The following OR52K2 variants were observed in gnomAD, a reference collection of about 807,000 sequenced individuals.
OR52K2 encodes the protein olfactory receptor family 52 subfamily K member 2.
OR52K2 carries 10 observed loss-of-function variants against 11.4 expected under a neutral mutation model. That is an observed-to-expected ratio of 0.88 (90% confidence interval 0.54 to 1.49). OR52K2 has a LOEUF of 1.49. Ranked by LOEUF, OR52K2 falls within the 40% of genes most tolerant of loss-of-function variation. OR52K2 has a pLI of 0.00. For synonymous variants in OR52K2, 199 were observed against 151.9 expected (o/e 1.31, Z -2.28); for missense variants, 465 against 393.3 (o/e 1.18, Z -1.54).
chr11:4,450,204 G>A lies in OR52K2; in HGVS notation c.865G>A (p.Val289Ile), dbSNP rs765185101. 1.9e-6 allele frequency: 3 copies of A among 1,613,890 alleles called. No homozygotes were observed. In the South Asian group the frequency reaches 3.3e-5, roughly 18 times the overall value. Residue 289 changes from valine (V) to isoleucine (I), a missense_variant, in exon 1 of 1, where the codon GTC becomes ATC. Transcript: ENST00000325719. ...TTTCTATCTGCTCTTCCCACCCATG[G>A]TCAATCCCATAATCTATGGTGTCAA... ...ANFYLLFPPM[V>I]NPIIYGVKTK... is the part of the protein sequence containing the mutation.
Position 4,449,526 on chromosome 11 carries a change from C to T in OR52K2, c.187C>T (p.Leu63Phe), listed in dbSNP as rs1437745244. 6.8e-6 allele frequency: 11 copies of T among 1,614,002 alleles called. No homozygotes were observed. Among genetic ancestry groups the T allele is most frequent in the Non-Finnish European group, 9.3e-6 (11 of 1,179,922 alleles). ...TGCAGCCCTCCATGAACCCATGTACCTCTTTCTGGCCATGTTGGCAGCCAT... is the reference window on the plus strand; with the variant it reads ...TGCAGCCCTCCATGAACCCATGTACTTCTTTCTGGCCATGTTGGCAGCCAT... The part of the protein sequence containing the change: ...ADAALHEPMY[L>F]FLAMLAAIDL... The change falls in exon 1 of 1, where the codon CTC becomes TTC. Residue 63 changes from leucine (L) to phenylalanine (F), a missense_variant. Coordinates refer to ENST00000325719, the MANE Select transcript of OR52K2 (RefSeq NM_001005172.2).
rs953616361 is a variant in OR52K2 at position 4,449,313 on chromosome 11, T to C, written c.-27T>C. 7 of 1,432,696 alleles carry C rather than the reference T, an allele frequency of 4.9e-6. No individual in the cohort carries two copies. In the Admixed American group the frequency reaches 1.2e-4, roughly 24 times the overall value. The allele number at this position is 1,432,696 out of a possible 1,614,324, so 88.7% of individuals were successfully genotyped here. A position where few individuals can be genotyped will look rare whatever the true frequency, so the allele number is the denominator to read the frequency against. On this transcript the variant is annotated 5_prime_UTR_variant, in exon 1 of 1. Transcript: ENST00000325719. ...TCTGGAAGGGCCCTGTGGAAGCAGA[T>C]AAGGAGGAAGAGAATTCCCAGGAGC...
chr11:4,449,957 G>A lies in OR52K2; in HGVS notation c.618G>A (p.Met206Ile). 1 of 1,614,206 alleles carries A rather than the reference G, an allele frequency of 6.2e-7. No homozygotes were observed. Reference protein sequence around the residue: ...FNNIYGIAVAMFIVVLDLLLV... With the variant: ...FNNIYGIAVAIFIVVLDLLLV... ...ATATCTATGGCATCGCTGTGGCCAT[G>A]TTTATTGTGGTGTTGGACCTGCTCC... The change falls in exon 1 of 1, where the codon ATG becomes ATA. Residue 206 changes from methionine (M) to isoleucine (I), a missense_variant. Physicochemically the swap from Met to Ile is conservative, Grantham distance 10 (BLOSUM62 1). Coordinates refer to ENST00000325719, the MANE Select transcript of OR52K2 (RefSeq NM_001005172.2).
rs1181894976 is a variant in OR52K2 at position 4,450,253 on chromosome 11, T to C, written c.914T>C (p.Ile305Thr). ...GVKTKQIRES[I>T]LGVFPRKDM ...AAGACCAAGCAAATCCGTGAGAGCA[T>C]CTTGGGAGTATTCCCAAGAAAGGAT... Residue 305 changes from isoleucine to threonine, a missense_variant, in exon 1 of 1, where the codon ATC becomes ACC. Physicochemically the swap from Ile to Thr is moderately conservative, Grantham distance 89. Transcript: ENST00000325719. The C allele has an allele frequency of 1.9e-6, 3 of 1,613,440 alleles. No individual in the cohort carries two copies. The highest frequency in any genetic ancestry group is 1.7e-6 in the Non-Finnish European group (2 of 1,179,602).
At position 4,450,242 on chromosome 11, in the gene OR52K2, C is replaced by A; in HGVS notation, c.903C>A (p.Ile301=). 3 of 1,613,860 alleles carry A rather than the reference C, an allele frequency of 1.9e-6. No homozygotes were observed. Among genetic ancestry groups the A allele is most frequent in the Non-Finnish European group, 2.5e-6 (3 of 1,179,878 alleles). Reference sequence around the variant, plus strand: ...TCTATGGTGTCAAGACCAAGCAAATCCGTGAGAGCATCTTGGGAGTATTCC... The same window carrying A: ...TCTATGGTGTCAAGACCAAGCAAATACGTGAGAGCATCTTGGGAGTATTCC... ...PIIYGVKTKQ[I]RESILGVFPR... Residue 301 remains isoleucine, a synonymous_variant, in exon 1 of 1, where the codon ATC becomes ATA. Transcript: ENST00000325719.
In OR52K2 at chr11:4,449,370, C is replaced by G. The variant is rs780110182; in HGVS notation, c.31C>G (p.Pro11Ala). 6.5e-7 allele frequency: 1 copy of G among 1,529,652 alleles called. No homozygotes were observed. Among genetic ancestry groups the G allele is most frequent in the South Asian group, 1.3e-5 (1 of 76,082 alleles). The allele number at this position is 1,529,652 out of a possible 1,614,324, so 94.8% of individuals were successfully genotyped here. A position where few individuals can be genotyped will look rare whatever the true frequency, so the allele number is the denominator to read the frequency against. ...AGCCTCCAATATCACCTTAACACAT[C>G]CAACTGCCTTCTTGTTGGTGGGGAT... MSASNITLTH[P>A]TAFLLVGIPG... is the part of the protein sequence containing the mutation. The change falls in exon 1 of 1, where the codon CCA (proline) becomes GCA (alanine). Residue 11 changes from proline to alanine, a missense_variant. Transcript: ENST00000325719.
rs775891741 is a variant in OR52K2 at position 4,450,135 on chromosome 11, G to GTA, written c.797_798dup (p.Ala267Ter). The GTA allele has an allele frequency of 3.7e-6, 6 of 1,613,814 alleles. No homozygotes were observed. In the African/African-American group the frequency reaches 8.0e-5, roughly 22 times the overall value. ...GGTCATCTCTTCAGTCATGCACCGT[G>GTA]TAGCCCGCCATGCTGCCCCTCATGT... On this transcript the variant is annotated frameshift_variant, in exon 1 of 1. Coordinates refer to ENST00000325719, the MANE Select transcript of OR52K2 (RefSeq NM_001005172.2). LOFTEE classifies it high-confidence loss of function.
Position 4,449,493 on chromosome 11 carries a change from C to T in OR52K2, c.154C>T (p.Gln52Ter), listed in dbSNP as rs773622546. 6 of 1,612,086 alleles carry T rather than the reference C, an allele frequency of 3.7e-6. No individual in the cohort carries two copies. The highest frequency in any genetic ancestry group is 1.7e-5 in the Admixed American group (1 of 59,914). ...LGNCTLLLII[Q>*]ADAALHEPMY... ...AAACTGCACTCTCCTTCTCATCATCCAGGCTGATGCAGCCCTCCATGAACC... is the reference window on the plus strand; with the variant it reads ...AAACTGCACTCTCCTTCTCATCATCTAGGCTGATGCAGCCCTCCATGAACC... The change falls in exon 1 of 1, where the codon CAG becomes TAG. Residue 52 changes from glutamine to a stop codon, truncating the protein, a stop_gained. Transcript: ENST00000325719. LOFTEE classifies it high-confidence loss of function.
Position 4,450,132 on chromosome 11 carries a change from C to T in OR52K2, c.793C>T (p.Arg265Cys), listed in dbSNP as rs556746206. The T allele has an allele frequency of 5.1e-5, 82 of 1,613,954 alleles. 1 individual carries two copies. The highest frequency in any genetic ancestry group is 3.8e-4 in the Admixed American group (23 of 60,018). The stretch of plus-strand genomic sequence containing the variant: ...TGTGGTCATCTCTTCAGTCATGCAC[C>T]GTGTAGCCCGCCATGCTGCCCCTCA... ...TTVVISSVMH[R>C]VARHAAPHVH... is the part of the protein sequence containing the mutation. Residue 265 changes from arginine to cysteine, a missense_variant, in exon 1 of 1, where the codon CGT becomes TGT. Physicochemically the swap from Arg to Cys is radical, Grantham distance 180. Transcript: ENST00000325719.
chr11:4,449,908 CG>C lies in OR52K2; in HGVS notation c.570del (p.Cys191ValfsTer57), dbSNP rs747768205. ...YCEHMAVVRL[A>X]CGDTSFNNIY... ...GAACACATGGCTGTGGTGAGGCTGG[CG>C]TGTGGGGACACTAGCTTCAACAATA... On this transcript the variant is annotated frameshift_variant, in exon 1 of 1. Transcript: ENST00000325719. LOFTEE classifies it high-confidence loss of function. 17 of 1,614,044 alleles carry C rather than the reference CG, an allele frequency of 1.1e-5. No individual in the cohort carries two copies. The South Asian group carries it at 1.6e-4, about 16-fold the overall frequency.
rs752697621 is a variant in OR52K2 at position 4,450,211 on chromosome 11, C to A, written c.872C>A (p.Pro291His). 1 of 1,613,988 alleles carries A rather than the reference C, an allele frequency of 6.2e-7. No individual in the cohort carries two copies. The highest frequency in any genetic ancestry group is 1.1e-5 in the South Asian group (1 of 91,070). Residue 291 changes from proline to histidine, a missense_variant, in exon 1 of 1, where the codon CCC becomes CAC. Physicochemically the swap from Pro to His is moderately conservative, Grantham distance 77. Transcript: ENST00000325719. ...CTGCTCTTCCCACCCATGGTCAATC[C>A]CATAATCTATGGTGTCAAGACCAAG... ...FYLLFPPMVN[P>H]IIYGVKTKQI... is the part of the protein sequence containing the mutation.
chr11:4,449,356 T>C lies in OR52K2; in HGVS notation c.17T>C (p.Ile6Thr). 1 of 1,513,444 alleles carries C rather than the reference T, an allele frequency of 6.6e-7. No individual in the cohort carries two copies. The highest frequency in any genetic ancestry group is 1.4e-5 in the South Asian group (1 of 73,910). 93.8% of individuals were successfully genotyped at this position (1,513,444 alleles called of 1,614,324 possible). A position where few individuals can be genotyped will look rare whatever the true frequency, so the allele number is the denominator to read the frequency against. ...CCAGGAGCCATGTCAGCCTCCAATA[T>C]CACCTTAACACATCCAACTGCCTTC... MSASNITLTHPTAFLL... is the reference protein window; with the variant it reads MSASNTTLTHPTAFLL... The change falls in exon 1 of 1, where the codon ATC (isoleucine) becomes ACC (threonine). Residue 6 changes from isoleucine (I) to threonine (T), a missense_variant. Transcript: ENST00000325719.
In OR52K2 at chr11:4,450,108, G is replaced by T; in HGVS notation, c.769G>T (p.Val257Leu). Residue 257 changes from valine (V) to leucine (L), a missense_variant, in exon 1 of 1, where the codon GTG (valine) becomes TTG (leucine). Transcript: ENST00000325719. Reference sequence around the variant, plus strand: ...TGCCATCTTAGCCTTCTACACAACTGTGGTCATCTCTTCAGTCATGCACCG... The same window carrying T: ...TGCCATCTTAGCCTTCTACACAACTTTGGTCATCTCTTCAGTCATGCACCG... ...IGAILAFYTT[V>L]VISSVMHRVA... is the part of the protein sequence containing the mutation. 6.2e-7 allele frequency: 1 copy of T among 1,614,062 alleles called. No homozygotes were observed. Among genetic ancestry groups the T allele is most frequent in the Non-Finnish European group, 8.5e-7 (1 of 1,180,022 alleles).
In OR52K2 at chr11:4,450,293, G is replaced by T. The variant is rs758944892; in HGVS notation, c.*9G>T. On this transcript the variant is annotated 3_prime_UTR_variant, in exon 1 of 1. Transcript: ENST00000325719. ...CAAGAAAGGATATGTAGAGGGTGAG[G>T]TGGAGAAAGAATGGGTTGGCTTGTC... 1.9e-6 allele frequency: 3 copies of T among 1,588,574 alleles called. No homozygotes were observed. The Admixed American group carries it at 5.0e-5, about 27-fold the overall frequency.
chr11:4,450,340 A>C lies in OR52K2; in HGVS notation c.*56A>C. 1 of 1,229,412 alleles carries C rather than the reference A, an allele frequency of 8.1e-7. No individual in the cohort carries two copies. The highest frequency in any genetic ancestry group is 1.2e-6 in the Non-Finnish European group (1 of 860,192). 76.2% of individuals were successfully genotyped at this position (1,229,412 alleles called of 1,614,324 possible). A position where few individuals can be genotyped will look rare whatever the true frequency, so the allele number is the denominator to read the frequency against. On this transcript the variant is annotated 3_prime_UTR_variant, in exon 1 of 1. Coordinates refer to ENST00000325719, the MANE Select transcript of OR52K2 (RefSeq NM_001005172.2). ...TGTCTGCTGGAGTTGGAGACAGGCT[A>C]TGGTAGAATGTGCACGGCTGCCAGG...
chr11:4,449,981 C>A lies in OR52K2; in HGVS notation c.642C>A (p.Leu214=). The change falls in exon 1 of 1, where the codon CTC becomes CTA. Residue 214 remains leucine, a synonymous_variant. Coordinates refer to ENST00000325719, the MANE Select transcript of OR52K2 (RefSeq NM_001005172.2). ...VAMFIVVLDL[L]LVILSYIFIL... Reference sequence around the variant, plus strand: ...TGTTTATTGTGGTGTTGGACCTGCTCCTTGTTATCCTGTCTTATATCTTTA... The same window carrying A: ...TGTTTATTGTGGTGTTGGACCTGCTACTTGTTATCCTGTCTTATATCTTTA... 6.2e-7 allele frequency: 1 copy of A among 1,614,138 alleles called. No individual in the cohort carries two copies. Among genetic ancestry groups the A allele is most frequent in the Non-Finnish European group, 8.5e-7 (1 of 1,180,036 alleles).
At position 4,449,478 on chromosome 11, in the gene OR52K2, C is replaced by G; in HGVS notation, c.139C>G (p.Leu47Val). 6.2e-7 allele frequency: 1 copy of G among 1,610,120 alleles called. No individual in the cohort carries two copies. Among genetic ancestry groups the G allele is most frequent in the Non-Finnish European group, 8.5e-7 (1 of 1,177,784 alleles). Residue 47 changes from leucine (L) to valine (V), a missense_variant, in exon 1 of 1, where the codon CTC becomes GTC. Physicochemically the swap from Leu to Val is conservative, Grantham distance 32 (BLOSUM62 1). Coordinates refer to ENST00000325719, the MANE Select transcript of OR52K2 (RefSeq NM_001005172.2). ...YTLALLGNCT[L>V]LLIIQADAAL... ...ACTGGCCCTGCTTGGAAACTGCACT[C>G]TCCTTCTCATCATCCAGGCTGATGC...
In OR52K2 at chr11:4,449,465, T is replaced by A. The variant is rs779002965; in HGVS notation, c.126T>A (p.Leu42=). The A allele has an allele frequency of 6.2e-7, 1 of 1,606,182 alleles. No homozygotes were observed. The highest frequency in any genetic ancestry group is 8.5e-7 in the Non-Finnish European group (1 of 1,175,746). Residue 42 remains leucine (L), a synonymous_variant, in exon 1 of 1, where the codon CTT becomes CTA. Coordinates refer to ENST00000325719, the MANE Select transcript of OR52K2 (RefSeq NM_001005172.2). ...PFCLAYTLAL[L]GNCTLLLIIQ... ...GCTTAGCATATACACTGGCCCTGCTTGGAAACTGCACTCTCCTTCTCATCA... is the reference window on the plus strand; with the variant it reads ...GCTTAGCATATACACTGGCCCTGCTAGGAAACTGCACTCTCCTTCTCATCA...
At position 4,450,154 on chromosome 11, in the gene OR52K2, C is replaced by A; in HGVS notation, c.815C>A (p.Pro272His). The A allele has an allele frequency of 6.2e-7, 1 of 1,614,146 alleles. No homozygotes were observed. Among genetic ancestry groups the A allele is most frequent in the Non-Finnish European group, 8.5e-7 (1 of 1,180,010 alleles). ...CACCGTGTAGCCCGCCATGCTGCCC[C>A]TCATGTCCACATCCTCCTTGCCAAT... is the stretch of plus-strand genomic sequence containing the variant. ...VMHRVARHAA[P>H]HVHILLANFY... Residue 272 changes from proline (P) to histidine (H), a missense_variant, in exon 1 of 1, where the codon CCT becomes CAT. Transcript: ENST00000325719.
Sources: allele counts gnomAD v4.1 joint callset, GRCh38; gene constraint gnomAD v4.1.1; transcripts MANE v1.5; gene names NCBI Gene and HGNC (gene_info 2026-07-23, HGNC 2026-07-21).